SLC24A3: variants seen among roughly 807,000 people sequenced by gnomAD.
SLC24A3 encodes the protein solute carrier family 24 member 3, also known as sodium/potassium/calcium exchanger 3.
Under a neutral mutation model 75.8 loss-of-function variants are expected in SLC24A3, and 28 were observed. That is an observed-to-expected ratio of 0.37 (90% CI 0.27 to 0.51). SLC24A3 has a LOEUF of 0.51. SLC24A3 is among the 20% of genes least tolerant of loss of function. The pLI, the probability that SLC24A3 is intolerant of heterozygous loss-of-function variation, is 0.94. For synonymous variants in SLC24A3, 372 were observed against 334.1 expected (o/e 1.11, Z -1.24); for missense variants, 663 against 847.8 (o/e 0.78, Z 2.71).
chr20:19,351,254 C>T (rs1369101432), intron 2 of SLC24A3, among the ~76,000 whole-genome samples: 1 of 152,208 alleles, frequency 6.6e-6, no homozygotes, highest in Non-Finnish European at 1.5e-5. Context: ...TCCTCATACA[C>T]CCAAACGTGG....
chr20:19,563,480 G>A (rs1009121066), intron 3 of SLC24A3, among the ~76,000 whole-genome samples: 1 of 151,624 alleles, frequency 6.6e-6, no homozygotes, highest in Admixed American at 6.6e-5. Flanking sequence ...GAATTAGTAA[G>A]AGGCTTATTT....
chr20:19,575,087 A>C (rs1298564834), intron 3 of SLC24A3, among the ~76,000 whole-genome samples: 1 of 151,892 alleles, frequency 6.6e-6, no homozygotes, highest in African/African-American at 2.4e-5. Flanking sequence ...CTGACTCTAA[A>C]AAAAATACAA....
intron 6 of SLC24A3, among the ~76,000 whole-genome samples, chr20:19,586,134 T>C (rs1021718066): frequency 6.6e-6 from 1 of 152,170 alleles, no homozygotes; most frequent in Non-Finnish European, 1.5e-5. Context: ...CTGAGTTCTT[T>C]ATGAATACTG....
Position 19,377,677 on chromosome 20 carries a change from A to C in SLC24A3, c.271+96590A>C, listed in dbSNP as rs550540926. Among the ~76,000 whole-genome samples, 21 of 152,348 alleles carry C rather than the reference A, an allele frequency of 1.4e-4. No homozygotes were observed. The South Asian group carries it at 4.1e-3, about 30-fold the overall frequency. Reference sequence around the variant, plus strand: ...TTATCCCTCAATGAAAGGAATGTGAAAAGATCTTCCCATGTTTTGTCCTTC... The same window carrying C: ...TTATCCCTCAATGAAAGGAATGTGACAAGATCTTCCCATGTTTTGTCCTTC... On this transcript the variant is annotated intron_variant, in intron 2 of 16. Coordinates refer to ENST00000328041, the MANE Select transcript of SLC24A3 (RefSeq NM_020689.4).
intron 6 of SLC24A3, among the ~76,000 whole-genome samples, chr20:19,636,296 C>T (rs555312297): frequency 3.3e-5 from 5 of 152,246 alleles, no homozygotes; most frequent in East Asian, 3.9e-4. Flanking sequence ...CAACTCTTGA[C>T]GAGAGGAGTG....
At chr20:19,321,855 C>T (rs1482177028) in intron 2 of SLC24A3, among the ~76,000 whole-genome samples, 1 of 152,146 alleles carries the variant, frequency 6.6e-6, no homozygotes, top group African/African-American at 2.4e-5. Context: ...TAGAATCTAG[C>T]CAAGGTTCCC....
intron 2 of SLC24A3, among the ~76,000 whole-genome samples, chr20:19,510,068 G>C (rs1480075826): frequency 6.6e-6 from 1 of 152,194 alleles, no homozygotes; most frequent in Non-Finnish European, 1.5e-5. Context: ...ACGCACGTAG[G>C]AGCTGACAAA....
chr20:19,707,485 A>G (rs2122160130), intron 15 of SLC24A3, among the ~76,000 whole-genome samples: 1 of 152,342 alleles, frequency 6.6e-6, no homozygotes, highest in South Asian at 2.1e-4. Flanking sequence ...TTCAGGTGTT[A>G]TTATAACTAC....
At chr20:19,468,882 A>T (rs1387023120) in intron 2 of SLC24A3, among the ~76,000 whole-genome samples, 1 of 152,122 alleles carries the variant, frequency 6.6e-6, no homozygotes, top group South Asian at 2.1e-4. Flanking sequence ...AGACAATGGG[A>T]TCTTGTGGGC....
At chr20:19,300,923 T>G (rs999112110) in intron 2 of SLC24A3, among the ~76,000 whole-genome samples, 16 of 152,028 alleles carry the variant, frequency 1.1e-4, no homozygotes, top group Non-Finnish European at 2.2e-4. Context: ...GAGATCACAG[T>G]GGTGGTGGCA....
intron 7 of SLC24A3, among the ~76,000 whole-genome samples, chr20:19,658,842 T>G (rs2032293993): frequency 6.6e-6 from 1 of 152,232 alleles, no homozygotes; most frequent in African/African-American, 2.4e-5. Context: ...TCTTCGCTGC[T>G]TCTCCTCTGC....
chr20:19,656,061 C>T (rs905782471), intron 7 of SLC24A3, among the ~76,000 whole-genome samples: 3 of 152,132 alleles, frequency 2.0e-5, no homozygotes, highest in Admixed American at 6.5e-5. Context: ...GTCTACTCAC[C>T]TGTTTGACAA....
At chr20:19,304,203 T>G (rs1308004679) in intron 2 of SLC24A3, among the ~76,000 whole-genome samples, 1 of 152,224 alleles carries the variant, frequency 6.6e-6, no homozygotes, top group Non-Finnish European at 1.5e-5. Context: ...GTTTTACAAA[T>G]TTACCAAAAG....
intron 2 of SLC24A3, among the ~76,000 whole-genome samples, chr20:19,485,972 C>T (rs1257969421): frequency 6.6e-6 from 1 of 152,152 alleles, no homozygotes; most frequent in Non-Finnish European, 1.5e-5. Context: ...CATCAGTGGG[C>T]ACTGTTACCT....
intron 2 of SLC24A3, among the ~76,000 whole-genome samples, chr20:19,514,349 G>A (rs1196547195): frequency 6.6e-6 from 1 of 152,212 alleles, no homozygotes; most frequent in Non-Finnish European, 1.5e-5. Context: ...CCTTGTCGGA[G>A]GGTCTGCTTT....
chr20:19,298,525 A>G (rs1984114075), intron 2 of SLC24A3, among the ~76,000 whole-genome samples: 1 of 152,146 alleles, frequency 6.6e-6, no homozygotes, highest in African/African-American at 2.4e-5. Flanking sequence ...GTGGGTGTGT[A>G]TAGTTTATTT....
intron 7 of SLC24A3, among the ~76,000 whole-genome samples, chr20:19,661,278 C>A (rs2122716670): frequency 6.6e-6 from 1 of 152,206 alleles, no homozygotes; most frequent in South Asian, 2.1e-4. Flanking sequence ...TTTTTCCCTG[C>A]CCTTCTGCAA....
At chr20:19,555,209 T>C (rs1439260220) in intron 3 of SLC24A3, among the ~76,000 whole-genome samples, 1 of 152,064 alleles carries the variant, frequency 6.6e-6, no homozygotes, top group Non-Finnish European at 1.5e-5. Context: ...GAAGAACTTA[T>C]GTACTTGCTA....
At chr20:19,648,418 G>A (rs909483545) in intron 6 of SLC24A3, among the ~76,000 whole-genome samples, 4 of 151,656 alleles carry the variant, frequency 2.6e-5, no homozygotes, top group South Asian at 2.1e-4. Context: ...GTTTTATGTT[G>A]TGTAACTATT....
Sources: gnomAD v4.1 joint callset for allele counts (sites outside exome capture counted in the v4.1 genomes callset) on GRCh38, gnomAD v4.1.1 for gene constraint, MANE v1.5 for transcripts, NCBI Gene and HGNC (gene_info 2026-07-23, HGNC 2026-07-21) for gene names.